The following IDH3A variants were observed in gnomAD, a reference collection of about 807,000 sequenced individuals.
The protein encoded by IDH3A is isocitrate dehydrogenase [NAD] subunit alpha, mitochondrial.
IDH3A carries 23 observed loss-of-function variants against 43.3 expected under a neutral mutation model. The ratio of observed to expected loss-of-function variants is 0.53; its 90% CI spans 0.38 to 0.75. The LOEUF (loss-of-function observed/expected upper bound fraction) is 0.75. Among genes scored for constraint, IDH3A ranks in the 30% least tolerant of loss-of-function variants. The pLI is 0.00. For missense variants in IDH3A, 329 were observed against 474.4 expected (o/e 0.69, Z 2.85); for synonymous variants, 154 against 163.5 (o/e 0.94, Z 0.44).
intron 2 of IDH3A, among the ~76,000 whole-genome samples, chr15:78,156,311 A>G (rs1025294673): frequency 1.4e-4 from 22 of 152,164 alleles, no homozygotes; most frequent in African/African-American, 5.3e-4. Context: ...AGGATGTATT[A>G]ATTTTTTTAA....
chr15:78,166,553 A>G (rs1220334234), intron 10 of IDH3A: 2 of 450,850 alleles, frequency 4.4e-6, no homozygotes, highest in Admixed American at 6.8e-5. Flanking sequence ...ATCAGTGTAC[A>G]GTGGAAAGGT....
At chr15:78,155,043 C>T (rs1323658464) in intron 1 of IDH3A, among the ~76,000 whole-genome samples, 170 bp from the exon 2 acceptor site, 2 of 152,152 alleles carry the variant, frequency 1.3e-5, no homozygotes, top group African/African-American at 4.8e-5. Context: ...GCTTTCAAAT[C>T]TGAGATAGCT....
chr15:78,156,299 A>G (rs2074622526), intron 2 of IDH3A, among the ~76,000 whole-genome samples: 2 of 152,186 alleles, frequency 1.3e-5, no homozygotes, highest in Admixed American at 1.3e-4. Flanking sequence ...TGAAGAAATA[A>G]GAGGATGTAT....
rs964857073 is a variant in IDH3A, at chr15:78,162,470, T to A, written c.611+103T>A. 3.1e-6 allele frequency: 4 copies of A among 1,293,494 alleles called. No individual in the cohort carries two copies. In the African/African-American group the frequency reaches 4.4e-5, roughly 14 times the overall value. 80.1% of individuals were successfully genotyped at this position (1,293,494 alleles called of 1,614,324 possible). On this transcript the variant is annotated intron_variant, in intron 6 of 10. Coordinates refer to ENST00000299518, the MANE Select transcript of IDH3A (RefSeq NM_005530.3). ...TCAGCTTGTTCCTTGATTCCTAATA[T>A]CTTTGAAAAAGAACTTTGTAACAAT...
chr15:78,160,313 G>A lies in IDH3A; in HGVS notation c.289+107G>A, dbSNP rs570217027. ...TGAATAAGGCCTGGCCATCTGTGAA[G>A]GTAACGCCATTCTTTTATGAAGTAA... On this transcript the variant is annotated intron_variant, in intron 4 of 10. Transcript: ENST00000299518. The A allele has an allele frequency of 1.0e-3, 632 of 633,364 alleles. 1 individual carries two copies. Among genetic ancestry groups the A allele is most frequent in the Non-Finnish European group, 1.5e-3 (527 of 349,750 alleles). The allele number at this position is 633,364 out of a possible 1,614,324, so 39.2% of individuals were successfully genotyped here. A position where few individuals can be genotyped will look rare whatever the true frequency, so the allele number is the denominator to read the frequency against.
rs187048671 is a variant in IDH3A at position 78,166,725 on chromosome 15, G to A, written c.1017+423G>A. Among the ~76,000 whole-genome samples, 8 of 152,234 alleles carry A rather than the reference G, an allele frequency of 5.3e-5. No homozygotes were observed. The East Asian group carries it at 9.6e-4, about 18-fold the overall frequency. ...TGGCTCACTGCAACCTGCACCTCCC[G>A]GGTTCAAGCAGTTCTCCTGCCTCAG... On this transcript the variant is annotated intron_variant, in intron 10 of 10. Coordinates refer to ENST00000299518, the MANE Select transcript of IDH3A (RefSeq NM_005530.3).
chr15:78,162,658 G>A (rs1029230670), intron 6 of IDH3A, among the ~76,000 whole-genome samples: 2 of 149,042 alleles, frequency 1.3e-5, no homozygotes, highest in African/African-American at 5.0e-5. Flanking sequence ...CAATTCTCTT[G>A]CCTCAGCTTC....
At chr15:78,156,710 T>G (rs935624987) in intron 2 of IDH3A, among the ~76,000 whole-genome samples, 2 of 152,166 alleles carry the variant, frequency 1.3e-5, no homozygotes, top group African/African-American at 4.8e-5. Flanking sequence ...TAATAAAATA[T>G]GTGGTTCCCA....
chr15:78,150,009 C>A (rs2074560793), intron 1 of IDH3A, among the ~76,000 whole-genome samples: 1 of 152,246 alleles, frequency 6.6e-6, no homozygotes, highest in Non-Finnish European at 1.5e-5. Context: ...CCCAGTCAGA[C>A]CTCTAGTGCT....
chr15:78,163,433 C>T, intron 6 of IDH3A, 74 bp from the exon 7 acceptor site: 2 of 1,058,812 alleles, frequency 1.9e-6, no homozygotes, highest in South Asian at 2.9e-5. Context: ...CTTGAACTTA[C>T]TTTACTTCTT....
intron 8 of IDH3A, 133 bp downstream of exon 8, chr15:78,163,913 A>G: frequency 1.5e-6 from 1 of 645,372 alleles, no homozygotes; most frequent in Non-Finnish European, 2.7e-6. Flanking sequence ...TTGAATTCTA[A>G]CAGTTCAGGT....
chr15:78,169,537 T>A lies in IDH3A; in HGVS notation c.*532T>A, dbSNP rs1383100484. On this transcript the variant is annotated 3_prime_UTR_variant, in exon 11 of 11. Coordinates refer to ENST00000299518, the MANE Select transcript of IDH3A (RefSeq NM_005530.3). ...GTGAATGTGGTATATTTCTAAATGA[T>A]ATGGAAAATAGAGACAGATTTGTCC... 1 of 152,212 alleles carries A rather than the reference T, an allele frequency of 6.6e-6. No individual in the cohort carries two copies. Among genetic ancestry groups the A allele is most frequent in the Non-Finnish European group, 1.5e-5 (1 of 68,038 alleles). The allele number at this position is 152,212 out of a possible 1,614,324, so 9.4% of individuals were successfully genotyped here.
chr15:78,153,834 C>T (rs1189321219), intron 1 of IDH3A, among the ~76,000 whole-genome samples: 2 of 152,112 alleles, frequency 1.3e-5, no homozygotes, highest in Non-Finnish European at 2.9e-5. Flanking sequence ...GCCGGGCCAA[C>T]ATGGAGAAAC....
intron 7 of IDH3A, 41 bp from the exon 8 acceptor site, chr15:78,163,675 G>A: frequency 6.4e-7 from 1 of 1,571,454 alleles, no homozygotes; most frequent in Non-Finnish European, 8.8e-7. Flanking sequence ...TTGTGGGGAT[G>A]CAGATTTTGA....
intron 1 of IDH3A, 73 bp downstream of exon 1, chr15:78,149,503 G>A: frequency 7.4e-7 from 1 of 1,346,054 alleles, no homozygotes; most frequent in Non-Finnish European, 1.0e-6. Flanking sequence ...GTCGCGTGCC[G>A]GGTGTGGGCG....
intron 6 of IDH3A, among the ~76,000 whole-genome samples, chr15:78,162,712 A>G (rs773690641): frequency 6.6e-6 from 1 of 151,816 alleles, no homozygotes; most frequent in Non-Finnish European, 1.5e-5. Flanking sequence ...TGACCGGCTA[A>G]TTTTTGTATT....
intron 1 of IDH3A, among the ~76,000 whole-genome samples, chr15:78,150,020 C>G (rs1479103876): frequency 6.6e-6 from 1 of 152,240 alleles, no homozygotes; most frequent in Non-Finnish European, 1.5e-5. Context: ...CTCTAGTGCT[C>G]TTGTAGCTAT....
At chr15:78,166,490 T>A in intron 10 of IDH3A, 188 bp downstream of exon 10, 1 of 635,538 alleles carries the variant, frequency 1.6e-6, no homozygotes, top group Non-Finnish European at 2.8e-6. Context: ...TTTTCTGAGG[T>A]GAGGATCTAG....
chr15:78,153,096 T>G (rs2074592795), intron 1 of IDH3A, among the ~76,000 whole-genome samples: 1 of 152,054 alleles, frequency 6.6e-6, no homozygotes, highest in South Asian at 2.1e-4. Context: ...AGTCGGGTCT[T>G]TTTCATTCTT....
Sources: allele counts gnomAD v4.1 joint callset (sites outside exome capture counted in the v4.1 genomes callset), GRCh38; gene constraint gnomAD v4.1.1; transcripts MANE v1.5; gene names NCBI Gene and HGNC (gene_info 2026-07-23, HGNC 2026-07-21).